The following NTNG1 variants were observed in gnomAD, a reference collection of about 807,000 sequenced individuals.
The protein encoded by NTNG1 is netrin-G1.
In NTNG1, 16 loss-of-function variants were observed where a neutral mutation model predicts 54.0. That is an observed-to-expected ratio of 0.30 (90% CI 0.20 to 0.45). The LOEUF (loss-of-function observed/expected upper bound fraction) is 0.45. Among genes scored for constraint, NTNG1 ranks in the 20% least tolerant of loss-of-function variants. The pLI is 1.00. For missense variants in NTNG1, 530 were observed against 678.7 expected (o/e 0.78, Z 2.43); for synonymous variants, 255 against 263.1 (o/e 0.97, Z 0.30).
chr1:107,342,083 T>C (rs1330512061), intron 3 of NTNG1, among the ~76,000 whole-genome samples: 3 of 152,122 alleles, frequency 2.0e-5, no homozygotes, highest in African/African-American at 7.2e-5. Context: ...TATAAGTCAC[T>C]TTTTGTTTAG....
At chr1:107,300,980 T>G in intron 2 of NTNG1, among the ~76,000 whole-genome samples, 1 of 152,096 alleles carries the variant, frequency 6.6e-6, no homozygotes, top group Non-Finnish European at 1.5e-5. Context: ...ATTCTTTCCT[T>G]TTTTCTTTTT....
chr1:107,459,017 T>G (rs1044636389), intron 7 of NTNG1, among the ~76,000 whole-genome samples: 6 of 152,326 alleles, frequency 3.9e-5, no homozygotes, highest in African/African-American at 1.4e-4. Flanking sequence ...ATTTTCCATA[T>G]GTATTGTTTT....
intron 3 of NTNG1, among the ~76,000 whole-genome samples, chr1:107,391,530 T>C (rs12116525): frequency 0.44 from 66,691 of 151,932 alleles, 15,548 homozygotes; most frequent in Non-Finnish European, 0.52. Flanking sequence ...TACCTAAGAC[T>C]TGGTAATTTA....
intron 3 of NTNG1, among the ~76,000 whole-genome samples, chr1:107,371,898 T>C (rs1557941773): frequency 6.6e-6 from 1 of 152,068 alleles, no homozygotes; most frequent in Non-Finnish European, 1.5e-5. Context: ...ATATACTTAA[T>C]GGTTCAGCAT....
intron 5 of NTNG1, among the ~76,000 whole-genome samples, chr1:107,423,708 G>A (rs1383565396): frequency 6.6e-6 from 1 of 152,196 alleles, no homozygotes; most frequent in Non-Finnish European, 1.5e-5. Flanking sequence ...TCAGAAACCT[G>A]CTTTTTCTCT....
chr1:107,369,822 A>C (rs188326017), intron 3 of NTNG1, among the ~76,000 whole-genome samples: 121 of 152,200 alleles, frequency 8.0e-4, no homozygotes, highest in African/African-American at 2.6e-3. Context: ...TAAGGTCACC[A>C]AGACTTTCTG....
chr1:107,144,483 A>C (rs1163510310), intron 1 of NTNG1, among the ~76,000 whole-genome samples: 1 of 152,122 alleles, frequency 6.6e-6, no homozygotes, highest in Non-Finnish European at 1.5e-5. Context: ...ATTTACTGAT[A>C]ATGTCTTCCT....
intron 5 of NTNG1, among the ~76,000 whole-genome samples, chr1:107,417,248 A>G (rs1023733072): frequency 1.3e-5 from 2 of 152,124 alleles, no homozygotes; most frequent in African/African-American, 2.4e-5. Flanking sequence ...CATAGATATC[A>G]TCAAGATTGC....
At chr1:107,463,626 C>T (rs1223118537) in intron 7 of NTNG1, among the ~76,000 whole-genome samples, 1 of 151,270 alleles carries the variant, frequency 6.6e-6, no homozygotes. Flanking sequence ...GCATTTTTAG[C>T]TATTTAAGCA....
chr1:107,160,009 G>C (rs1361197972), intron 2 of NTNG1, among the ~76,000 whole-genome samples: 1 of 152,170 alleles, frequency 6.6e-6, no homozygotes, highest in Non-Finnish European at 1.5e-5. Flanking sequence ...CTGTTGGCTA[G>C]TTAACAAAAT....
chr1:107,444,281 G>T (rs1676171128), intron 7 of NTNG1, among the ~76,000 whole-genome samples: 1 of 152,058 alleles, frequency 6.6e-6, no homozygotes, highest in Non-Finnish European at 1.5e-5. Flanking sequence ...CTACCTCTGA[G>T]CATGCAGAGT....
chr1:107,216,162 G>C (rs1224659392), intron 2 of NTNG1, among the ~76,000 whole-genome samples: 4 of 152,046 alleles, frequency 2.6e-5, no homozygotes, highest in Non-Finnish European at 1.5e-5. Flanking sequence ...CAGTTGCTCT[G>C]GCTAGGACTT....
intron 7 of NTNG1, chr1:107,455,561 C>G (rs1676901960): frequency 2.1e-6 from 1 of 470,238 alleles, no homozygotes; most frequent in Non-Finnish European, 4.3e-6. Context: ...CTGACTCGCT[C>G]TGAGAGCCCA....
chr1:107,219,714 A>T (rs538388614), intron 2 of NTNG1, among the ~76,000 whole-genome samples: 157 of 152,300 alleles, frequency 1.0e-3, no homozygotes, highest in African/African-American at 3.6e-3. Context: ...GGCTGGTACC[A>T]GGGAATATCT....
chr1:107,170,109 T>G (rs1370565872), intron 2 of NTNG1, among the ~76,000 whole-genome samples: 1 of 152,148 alleles, frequency 6.6e-6, no homozygotes, highest in East Asian at 1.9e-4. Flanking sequence ...CGGAGACACC[T>G]GGATTAATGT....
intron 2 of NTNG1, among the ~76,000 whole-genome samples, chr1:107,195,899 C>T (rs1469542369): frequency 6.6e-6 from 1 of 151,970 alleles, no homozygotes; most frequent in Non-Finnish European, 1.5e-5. Context: ...GTGCCCACAC[C>T]TCATGTGCTC....
intron 5 of NTNG1, among the ~76,000 whole-genome samples, chr1:107,410,772 T>C (rs1273157714): frequency 6.6e-6 from 1 of 152,198 alleles, no homozygotes; most frequent in Non-Finnish European, 1.5e-5. Context: ...AGTGATAAAC[T>C]GATCATTACC....
intron 5 of NTNG1, chr1:107,410,085 CA>C (rs895358585): frequency 2.0e-5 from 3 of 152,104 alleles, no homozygotes; most frequent in Non-Finnish European, 4.4e-5. Flanking sequence ...GTGCTTTTTG[CA>C]TTACCCCAAA....
chr1:107,473,419 A>G (rs1281633297), intron 7 of NTNG1, among the ~76,000 whole-genome samples: 2 of 152,194 alleles, frequency 1.3e-5, no homozygotes, highest in Non-Finnish European at 2.9e-5. Flanking sequence ...TGGCAACACC[A>G]AGTCCTGGCT....
Sources: allele counts gnomAD v4.1 joint callset (sites outside exome capture counted in the v4.1 genomes callset), GRCh38; gene constraint gnomAD v4.1.1; transcripts MANE v1.5; gene names NCBI Gene and HGNC (gene_info 2026-07-23, HGNC 2026-07-21).